The following ATP10A variants were observed in gnomAD, a reference collection of about 807,000 sequenced individuals.
ATP10A encodes the protein phospholipid-transporting ATPase VA.
ATP10A carries 111 observed loss-of-function variants against 147.8 expected under a neutral mutation model. The observed-to-expected ratio is 0.75, with a 90% CI of 0.64 to 0.88. The LOEUF is 0.88. Among genes scored for constraint, ATP10A ranks in the 40% least tolerant of loss-of-function variants. The pLI, the probability that ATP10A is intolerant of heterozygous loss-of-function variation, is 0.00. For synonymous variants in ATP10A, 875 were observed against 841.6 expected (o/e 1.04, Z -0.69); for missense variants, 1,927 against 1,959.0 (o/e 0.98, Z 0.31).
chr15:25,806,983 G>A (rs1318185869), intron 1 of ATP10A, among the ~76,000 whole-genome samples: 2 of 152,240 alleles, frequency 1.3e-5, no homozygotes, highest in East Asian at 1.9e-4. Flanking sequence ...CTCAGCTTAC[G>A]CTTCCACTCA....
intron 1 of ATP10A, among the ~76,000 whole-genome samples, chr15:25,832,015 C>T (rs1209130653): frequency 2.6e-5 from 4 of 152,108 alleles, no homozygotes; most frequent in Non-Finnish European, 2.9e-5. Flanking sequence ...TGGAGTATGG[C>T]GGGCCCTAAC....
chr15:25,772,993 G>A (rs1267302444), intron 2 of ATP10A, among the ~76,000 whole-genome samples: 2 of 152,180 alleles, frequency 1.3e-5, no homozygotes, highest in African/African-American at 4.8e-5. Context: ...CATTAGCAAT[G>A]GTGAAAAAGC....
At chr15:25,757,860 A>T (rs555924621) in intron 2 of ATP10A, among the ~76,000 whole-genome samples, 3 of 122,202 alleles carry the variant, frequency 2.5e-5, no homozygotes, top group East Asian at 2.5e-4. Flanking sequence ...GCTCCACCCT[A>T]ACTCATTCCG....
intron 2 of ATP10A, among the ~76,000 whole-genome samples, chr15:25,764,365 G>A (rs551727376): frequency 1.3e-5 from 2 of 152,314 alleles, no homozygotes; most frequent in South Asian, 4.2e-4. Context: ...GAATGTATGT[G>A]TTTGAGTCCC....
intron 1 of ATP10A, among the ~76,000 whole-genome samples, chr15:25,790,901 T>C (rs1466258285): frequency 6.6e-6 from 1 of 152,166 alleles, no homozygotes; most frequent in Non-Finnish European, 1.5e-5. Flanking sequence ...TTCATTGGTA[T>C]GACAATCCCA....
chr15:25,681,384 G>C (rs1173053813), intron 17 of ATP10A, among the ~76,000 whole-genome samples: 6 of 152,150 alleles, frequency 3.9e-5, no homozygotes, highest in African/African-American at 1.4e-4. Context: ...ATCTCAAAAC[G>C]ATCATGAAAT....
At position 25,697,841 on chromosome 15, in the gene ATP10A, C is replaced by T. The variant is rs185519310; in HGVS notation, c.2761-2695G>A. On this transcript the variant is annotated intron_variant, in intron 13 of 20. Transcript: ENST00000555815. ...GTGACATGGTGTTGACAGCATGTAC[C>T]CTTGATAGGATATGATGAAAATGGC... Among the ~76,000 whole-genome samples the T allele has an allele frequency of 2.0e-4, 30 of 152,172 alleles. No homozygotes were observed. The East Asian group carries it at 5.4e-3, about 27-fold the overall frequency.
chr15:25,794,465 T>C lies in ATP10A; in HGVS notation c.450-13242A>G, dbSNP rs1389425245. ...CCCTAAATTGTAATGGGCTACAGAG[T>C]ATGATCAGTAAAGTACCTTAAGCAA... On this transcript the variant is annotated intron_variant, in intron 1 of 20. Transcript: ENST00000555815. Among the ~76,000 whole-genome samples, 7 of 152,064 alleles carry C rather than the reference T, an allele frequency of 4.6e-5. 1 individual carries two copies. The highest frequency in any genetic ancestry group is 4.6e-4 in the Admixed American group (7 of 15,270).
intron 1 of ATP10A, among the ~76,000 whole-genome samples, chr15:25,806,653 A>G (rs1891203795): frequency 6.6e-6 from 1 of 152,102 alleles, no homozygotes; most frequent in Admixed American, 6.6e-5. Context: ...AGCTTACTTT[A>G]CTGTAATAAC....
At chr15:25,766,497 C>G (rs1475657365) in intron 2 of ATP10A, among the ~76,000 whole-genome samples, 1 of 152,140 alleles carries the variant, frequency 6.6e-6, no homozygotes. Context: ...ATCTCCCTCC[C>G]CAGGCCCAGC....
At position 25,727,408 on chromosome 15, in the gene ATP10A, C is replaced by T. The variant is rs75305960; in HGVS notation, c.741-142G>A. On this transcript the variant is annotated intron_variant, in intron 3 of 20. Coordinates refer to ENST00000555815, the MANE Select transcript of ATP10A (RefSeq NM_024490.4). ...TCTGGACTGGGAAGGGTACAGGGGG[C>T]CCCCGAGAGTGGGTGGCTCGCCCTG... 3.0e-4 allele frequency: 210 copies of T among 691,940 alleles called. 1 individual carries two copies. Among genetic ancestry groups the T allele is most frequent in the African/African-American group, 2.5e-3 (140 of 55,452 alleles). The allele number at this position is 691,940 out of a possible 1,614,324, so 42.9% of individuals were successfully genotyped here.
chr15:25,695,363 T>C (rs1475694601), intron 13 of ATP10A, among the ~76,000 whole-genome samples: 1 of 152,168 alleles, frequency 6.6e-6, no homozygotes, highest in African/African-American at 2.4e-5. Flanking sequence ...CGTGGGTGGC[T>C]CACTCCTGTA....
chr15:25,681,586 C>T (rs1166967167), intron 17 of ATP10A, among the ~76,000 whole-genome samples: 1 of 152,152 alleles, frequency 6.6e-6, no homozygotes, highest in Admixed American at 6.5e-5. Context: ...TAAGTTAATG[C>T]ACAAGGCAAG....
intron 2 of ATP10A, among the ~76,000 whole-genome samples, chr15:25,759,385 G>A (rs1888631019): frequency 1.3e-5 from 2 of 152,150 alleles, no homozygotes; most frequent in Admixed American, 1.3e-4. Flanking sequence ...TGATCAGATT[G>A]ACTAAAATTA....
At chr15:25,726,789 T>G (rs547882874) in intron 4 of ATP10A, among the ~76,000 whole-genome samples, 4 of 147,654 alleles carry the variant, frequency 2.7e-5, no homozygotes, top group South Asian at 2.4e-4. Context: ...CGGTGACTCA[T>G]GCCTGTAATC....
chr15:25,758,906 G>C (rs1888599234), intron 2 of ATP10A, among the ~76,000 whole-genome samples: 1 of 151,956 alleles, frequency 6.6e-6, no homozygotes, highest in South Asian at 2.1e-4. Flanking sequence ...CTGATCACCT[G>C]CTCCACCCTA....
intron 1 of ATP10A, among the ~76,000 whole-genome samples, chr15:25,829,569 C>T (rs554825839): frequency 6.6e-6 from 1 of 152,256 alleles, no homozygotes; most frequent in South Asian, 2.1e-4. Flanking sequence ...AGAGAAACAT[C>T]TAAATGCCCA....
intron 1 of ATP10A, among the ~76,000 whole-genome samples, chr15:25,790,531 G>A (rs1890364700): frequency 6.6e-6 from 1 of 152,212 alleles, no homozygotes; most frequent in African/African-American, 2.4e-5. Flanking sequence ...AAGAAAGGAT[G>A]CAGAGTCTCT....
intron 5 of ATP10A, among the ~76,000 whole-genome samples, chr15:25,724,899 G>A (rs1902450166): frequency 6.6e-6 from 1 of 152,208 alleles, no homozygotes; most frequent in Non-Finnish European, 1.5e-5. Flanking sequence ...ATATCTGTGT[G>A]TATTCCCTAA....
Sources: gnomAD v4.1 joint callset for allele counts (sites outside exome capture counted in the v4.1 genomes callset) on GRCh38, gnomAD v4.1.1 for gene constraint, MANE v1.5 for transcripts, NCBI Gene and HGNC (gene_info 2026-07-23, HGNC 2026-07-21) for gene names.